Variants in JAML observed in about 807,000 individuals in gnomAD.
JAML encodes junctional adhesion molecule-like.
Under a neutral mutation model 39.3 loss-of-function variants are expected in JAML, and 25 were observed. The observed-to-expected ratio is 0.64, with a 90% CI of 0.46 to 0.89. JAML has a LOEUF of 0.89. Ranked by LOEUF, JAML falls within the 40% of genes least tolerant of loss-of-function variation. The probability of loss-of-function intolerance (pLI) is 0.00; values close to 1 mark genes in which losing one functional copy is unlikely to be tolerated. For missense variants in JAML, 440 were observed against 486.9 expected (o/e 0.90, Z 0.91); for synonymous variants, 162 against 179.2 (o/e 0.90, Z 0.77).
intron 7 of JAML, among the ~76,000 whole-genome samples, chr11:118,198,493 C>A (rs1948707449): frequency 1.3e-5 from 2 of 152,052 alleles, no homozygotes; most frequent in South Asian, 4.1e-4. Context: ...CAGCAAGACG[C>A]CAATCCGAAG....
At chr11:118,208,256 A>T (rs1227963125) in intron 4 of JAML, among the ~76,000 whole-genome samples, 1 of 152,070 alleles carries the variant, frequency 6.6e-6, no homozygotes. Flanking sequence ...AGAGAGAGAG[A>T]GAATCCTTGG....
chr11:118,208,209 G>A (rs1459328495), intron 4 of JAML, among the ~76,000 whole-genome samples: 14 of 138,758 alleles, frequency 1.0e-4, no homozygotes, highest in African/African-American at 3.0e-4. Flanking sequence ...TCCAGAGCCT[G>A]GGTGACAGAG....
rs553083639 is a variant in JAML at position 118,205,876 on chromosome 11, T to C, written c.534+6A>G. 51 of 1,612,210 alleles carry C rather than the reference T, an allele frequency of 3.2e-5. 1 individual carries two copies. In the South Asian group the frequency reaches 5.1e-4, roughly 16 times the overall value. Reference sequence around the variant, plus strand: ...CTCTAACACAGTGATGTTTCCTCCTTGTTACCTTTGCGCGCCGTCCTGAAA... The same window carrying C: ...CTCTAACACAGTGATGTTTCCTCCTCGTTACCTTTGCGCGCCGTCCTGAAA... On this transcript the variant is annotated splice_donor_region_variant and intron_variant, in intron 5 of 9. Coordinates refer to ENST00000356289, the MANE Select transcript of JAML (RefSeq NM_001098526.2).
chr11:118,218,576 G>A (rs2134677292), intron 1 of JAML, among the ~76,000 whole-genome samples: 1 of 152,284 alleles, frequency 6.6e-6, no homozygotes, highest in East Asian at 1.9e-4. Flanking sequence ...CCAGCATGGT[G>A]TGAGGTACGG....
intron 4 of JAML, 89 bp from the exon 5 acceptor site, chr11:118,206,080 ACCC>A: frequency 8.5e-7 from 1 of 1,174,914 alleles, no homozygotes; most frequent in Admixed American, 1.7e-5. Flanking sequence ...TTAGCCAAAG[ACCC>A]TCAGCAGCAA....
intron 1 of JAML, chr11:118,223,879 C>T (rs900260924): frequency 6.6e-6 from 1 of 152,062 alleles, no homozygotes; most frequent in Non-Finnish European, 1.5e-5. Context: ...GAAAGTTACC[C>T]CCCAAATTAC....
chr11:118,216,544 G>C (rs910782762), intron 1 of JAML, among the ~76,000 whole-genome samples: 1 of 152,080 alleles, frequency 6.6e-6, no homozygotes, highest in African/African-American at 2.4e-5. Flanking sequence ...CCTTTAAAAG[G>C]GATTGATAAT....
chr11:118,200,682 A>C, intron 6 of JAML, 70 bp from the exon 7 acceptor site: 2 of 1,580,534 alleles, frequency 1.3e-6, no homozygotes, highest in Non-Finnish European at 1.7e-6. Context: ...CCACAGCCCT[A>C]TACCAAGTAG....
chr11:118,196,917 A>G, intron 8 of JAML, 96 bp from the exon 9 acceptor site: 3 of 947,046 alleles, frequency 3.2e-6, no homozygotes, highest in Non-Finnish European at 5.1e-6. Context: ...GGCATCGACC[A>G]CCCAAACTGC....
intron 8 of JAML, 124 bp downstream of exon 8, chr11:118,197,874 C>T: frequency 1.1e-6 from 1 of 875,548 alleles, no homozygotes; most frequent in Non-Finnish European, 1.9e-6. Flanking sequence ...TCCTGAGTCC[C>T]TGCTCTGTGC....
chr11:118,220,559 A>G (rs1210617664), intron 1 of JAML, among the ~76,000 whole-genome samples: 1 of 152,228 alleles, frequency 6.6e-6, no homozygotes, highest in Non-Finnish European at 1.5e-5. Flanking sequence ...TTCTTGTGTA[A>G]TACAGCGTGG....
At chr11:118,204,785 T>C (rs1031954411) in intron 5 of JAML, 1 of 152,212 alleles carries the variant, frequency 6.6e-6, no homozygotes, top group Non-Finnish European at 1.5e-5. Context: ...AAGTTTCCCA[T>C]CAGGACTGGG....
chr11:118,203,466 T>G lies in JAML; in HGVS notation c.734A>C (p.Lys245Thr). The G allele has an allele frequency of 6.2e-7, 1 of 1,614,178 alleles. No individual in the cohort carries two copies. The highest frequency in any genetic ancestry group is 8.5e-7 in the Non-Finnish European group (1 of 1,180,014). Residue 245 changes from lysine to threonine, a missense_variant, in exon 6 of 10, where the codon AAA becomes ACA. Physicochemically the swap from Lys to Thr is moderately conservative, Grantham distance 78. Coordinates refer to ENST00000356289, the MANE Select transcript of JAML (RefSeq NM_001098526.2). The part of the protein sequence containing the change: ...SIHLGNLVFK[K>T]TIVLHVSPEE... ...CGGGCTGACATGCAGCACAATGGTT[T>G]TCTTGAACACCAGGTTCCCTAGGTG...
intron 1 of JAML, chr11:118,224,231 C>A (rs1374618411): frequency 6.6e-6 from 1 of 152,216 alleles, no homozygotes; most frequent in African/African-American, 2.4e-5. Flanking sequence ...GCGAATGGGA[C>A]CCTGGAGGTC....
chr11:118,206,126 T>C (rs1948911371), intron 4 of JAML, 135 bp from the exon 5 acceptor site: 1 of 707,954 alleles, frequency 1.4e-6, no homozygotes. Flanking sequence ...CTGTACGTAT[T>C]CCCTCTGTAC....
Position 118,203,560 on chromosome 11 carries a change from G to A in JAML, c.640C>T (p.Arg214Cys), listed in dbSNP as rs146270843. The A allele has an allele frequency of 6.9e-5, 111 of 1,614,134 alleles. No homozygotes were observed. In the African/African-American group the frequency reaches 9.3e-4, roughly 14 times the overall value. ...NRVNLVGDIF[R>C]NDGSIMLQGV... ...TGAAGCATGATGGAACCGTCATTGCGGAAAATGTCCCCCACCAGGTTCACA... is the reference window on the plus strand; with the variant it reads ...TGAAGCATGATGGAACCGTCATTGCAGAAAATGTCCCCCACCAGGTTCACA... The change falls in exon 6 of 10, where the codon CGC becomes TGC. Residue 214 changes from arginine (R) to cysteine (C), a missense_variant. Coordinates refer to ENST00000356289, the MANE Select transcript of JAML (RefSeq NM_001098526.2).
chr11:118,199,695 T>TA (rs1387731797), intron 7 of JAML, among the ~76,000 whole-genome samples: 915 of 34,740 alleles, frequency 0.026, 7 homozygotes, highest in Middle Eastern at 0.077. Context: ...TTATTATTAT[T>TA]TTTTTTTTTT....
chr11:118,219,829 G>A (rs563277398), intron 1 of JAML, among the ~76,000 whole-genome samples: 1 of 152,344 alleles, frequency 6.6e-6, no homozygotes, highest in East Asian at 1.9e-4. Flanking sequence ...GGAGACAGCT[G>A]AAGGTCCTGG....
chr11:118,206,804 C>G (rs961119391), intron 4 of JAML, among the ~76,000 whole-genome samples: 8 of 152,042 alleles, frequency 5.3e-5, no homozygotes, highest in Non-Finnish European at 1.0e-4. Context: ...TTTAAGTGGC[C>G]CATGAAAAAG....
Sources: allele counts gnomAD v4.1 joint callset (sites outside exome capture counted in the v4.1 genomes callset), GRCh38; gene constraint gnomAD v4.1.1; transcripts MANE v1.5; gene names NCBI Gene and HGNC (gene_info 2026-07-23, HGNC 2026-07-21).